WDSUB1: variants seen among roughly 807,000 people sequenced by gnomAD.
WDSUB1 encodes WD repeat, sterile alpha motif and U-box domain containing 1.
WDSUB1 carries 49 observed loss-of-function variants against 53.9 expected under a neutral mutation model. The ratio of observed to expected loss-of-function variants is 0.91; its 90% CI spans 0.72 to 1.15. The LOEUF (loss-of-function observed/expected upper bound fraction) is 1.15, where lower values mean the gene tolerates loss of function less well. Among genes scored for constraint, WDSUB1 ranks in the 50% most tolerant of loss-of-function variants. WDSUB1 has a pLI of 0.00. For missense variants in WDSUB1, 514 were observed against 562.0 expected, an observed-to-expected ratio of 0.91 and a Z score of 0.86; for synonymous variants, 194 against 200.6, an observed-to-expected ratio of 0.97 and a Z score of 0.28.
intron 8 of WDSUB1, 70 bp from the exon 9 acceptor site, chr2:159,256,445 T>C (rs2061065112): frequency 6.8e-7 from 1 of 1,480,708 alleles, no homozygotes; most frequent in Non-Finnish European, 9.2e-7. Context: ...TCACTTTGAA[T>C]TAAAAGTAAA....
chr2:159,274,220 C>T (rs112367023), intron 4 of WDSUB1, among the ~76,000 whole-genome samples: 5 of 152,226 alleles, frequency 3.3e-5, no homozygotes, highest in African/African-American at 1.2e-4. Context: ...CACCCCAAGA[C>T]TGGCCAAGCG....
chr2:159,259,441 G>C (rs1282933874), intron 6 of WDSUB1, among the ~76,000 whole-genome samples: 2 of 152,116 alleles, frequency 1.3e-5, no homozygotes, highest in African/African-American at 2.4e-5. Flanking sequence ...AAGAATGGTA[G>C]GTCACTTTCA....
At chr2:159,285,973 G>T (rs185166148) in intron 1 of WDSUB1, among the ~76,000 whole-genome samples, 1 of 152,202 alleles carries the variant, frequency 6.6e-6, no homozygotes, top group Non-Finnish European at 1.5e-5. Context: ...GCCCTCTGCC[G>T]CACTCAGCTC....
At chr2:159,273,506 C>T (rs563313565) in intron 4 of WDSUB1, among the ~76,000 whole-genome samples, 3 of 152,150 alleles carry the variant, frequency 2.0e-5, no homozygotes, top group African/African-American at 4.8e-5. Flanking sequence ...CTGCAACCTC[C>T]GCCTCCTGGG....
intron 8 of WDSUB1, 27 bp downstream of exon 8, chr2:159,257,731 T>C: frequency 6.3e-7 from 1 of 1,589,060 alleles, no homozygotes; most frequent in Non-Finnish European, 8.6e-7. Context: ...GGGGTTGAAA[T>C]GAGTGAAAAA....
intron 9 of WDSUB1, among the ~76,000 whole-genome samples, chr2:159,250,486 G>A (rs1028953211): frequency 3.9e-5 from 6 of 152,174 alleles, no homozygotes; most frequent in African/African-American, 1.4e-4. Flanking sequence ...AGTTAGGGAA[G>A]TACCTCTAAA....
chr2:159,251,407 A>G (rs2060949378), intron 9 of WDSUB1, among the ~76,000 whole-genome samples: 1 of 152,216 alleles, frequency 6.6e-6, no homozygotes, highest in Admixed American at 6.5e-5. Context: ...AGAAGGCCTA[A>G]TTCAAAATTC....
At chr2:159,263,796 C>T (rs1281600323) in intron 5 of WDSUB1, among the ~76,000 whole-genome samples, 1 of 152,138 alleles carries the variant, frequency 6.6e-6, no homozygotes. Context: ...GGGTAAAATA[C>T]GTTATATAAT....
chr2:159,273,401 A>G (rs559743378), intron 4 of WDSUB1, among the ~76,000 whole-genome samples: 18 of 152,234 alleles, frequency 1.2e-4, no homozygotes, highest in African/African-American at 4.3e-4. Flanking sequence ...ATGGTGATAA[A>G]TGCTTTATGA....
At chr2:159,280,243 G>GTA (rs2061626822) in intron 2 of WDSUB1, among the ~76,000 whole-genome samples, 1 of 152,052 alleles carries the variant, frequency 6.6e-6, no homozygotes. Context: ...GGGCAAATCA[G>GTA]TATAAACACA....
intron 1 of WDSUB1, among the ~76,000 whole-genome samples, chr2:159,285,780 GCTT>G (rs1374858198): frequency 6.6e-6 from 1 of 152,168 alleles, no homozygotes; most frequent in African/African-American, 2.4e-5. Flanking sequence ...GATAAGTTCA[GCTT>G]CTTTTCTTCG....
chr2:159,264,910 C>T (rs967097758), intron 5 of WDSUB1, among the ~76,000 whole-genome samples: 1 of 151,908 alleles, frequency 6.6e-6, no homozygotes, highest in African/African-American at 2.4e-5. Context: ...ATGGTGAAAC[C>T]CTGTCTCTAC....
chr2:159,283,351 G>T (rs574828392), intron 1 of WDSUB1, among the ~76,000 whole-genome samples: 89 of 152,288 alleles, frequency 5.8e-4, no homozygotes, highest in African/African-American at 1.9e-3. Context: ...TTCATAAGCA[G>T]CACACCCTCG....
chr2:159,242,934 G>A (rs2060698644), intron 10 of WDSUB1, among the ~76,000 whole-genome samples: 1 of 147,522 alleles, frequency 6.8e-6, no homozygotes, highest in Non-Finnish European at 1.5e-5. Flanking sequence ...TATACATAAG[G>A]AAAAACTGAA....
intron 5 of WDSUB1, among the ~76,000 whole-genome samples, chr2:159,265,888 A>G (rs768426614): frequency 2.6e-5 from 4 of 152,232 alleles, no homozygotes; most frequent in Non-Finnish European, 5.9e-5. Context: ...GTATTTTGCT[A>G]CAGGACCTGT....
At chr2:159,253,958 A>G (rs1004787549) in intron 9 of WDSUB1, among the ~76,000 whole-genome samples, 2 of 152,200 alleles carry the variant, frequency 1.3e-5, no homozygotes, top group Non-Finnish European at 2.9e-5. Flanking sequence ...GTTACAGTCA[A>G]TTTTTACTAC....
At chr2:159,283,361 G>C (rs147848173) in intron 1 of WDSUB1, among the ~76,000 whole-genome samples, 1 of 152,054 alleles carries the variant, frequency 6.6e-6, no homozygotes, top group Non-Finnish European at 1.5e-5. Flanking sequence ...GCACACCCTC[G>C]ATCCCTCGCA....
In WDSUB1 at chr2:159,235,882, T is replaced by C. The variant is rs2060466849; in HGVS notation, c.*151A>G. The C allele has an allele frequency of 1.5e-6, 1 of 680,102 alleles. No individual in the cohort carries two copies. Among genetic ancestry groups the C allele is most frequent in the Non-Finnish European group, 2.2e-6 (1 of 460,158 alleles). 42.1% of individuals were successfully genotyped at this position (680,102 alleles called of 1,614,324 possible). On this transcript the variant is annotated 3_prime_UTR_variant, in exon 11 of 11. Coordinates refer to ENST00000359774, the MANE Select transcript of WDSUB1 (RefSeq NM_001128212.3). ...TTTTATAGTAAGTCCATGTGTTTTT[T>C]AAAGAATGAAAATTGACAATTTTTA...
rs761478291 is a variant in WDSUB1 at position 159,271,729 on chromosome 2, G to C, written c.743C>G (p.Ser248Cys). The C allele has an allele frequency of 1.2e-6, 2 of 1,614,074 alleles. No homozygotes were observed. The highest frequency in any genetic ancestry group is 1.7e-6 in the Non-Finnish European group (2 of 1,179,974). The change falls in exon 5 of 11, where the codon TCC becomes TGC. Residue 248 changes from serine to cysteine, a missense_variant. By Grantham distance (112) the Ser-to-Cys change is moderately radical (BLOSUM62 -1). Transcript: ENST00000359774. Reference sequence around the variant, plus strand: ...TGAGACTAGCATCTGCCCATCATGGGAAAAAGCACAAGCCAGAACAGGAGC... The same window carrying C: ...TGAGACTAGCATCTGCCCATCATGGCAAAAAGCACAAGCCAGAACAGGAGC... ...HCAPVLACAFSHDGQMLVSGS... is the reference protein window; with the variant it reads ...HCAPVLACAFCHDGQMLVSGS...
Sources: gnomAD v4.1 joint callset for allele counts (sites outside exome capture counted in the v4.1 genomes callset) on GRCh38, gnomAD v4.1.1 for gene constraint, MANE v1.5 for transcripts, NCBI Gene and HGNC (gene_info 2026-07-23, HGNC 2026-07-21) for gene names.